The following NFIB variants were observed in gnomAD, a reference collection of about 807,000 sequenced individuals.
The protein encoded by NFIB is nuclear factor I B.
Under a neutral mutation model 61.5 loss-of-function variants are expected in NFIB, and 11 were observed. The ratio of observed to expected loss-of-function variants is 0.18; its 90% confidence interval spans 0.11 to 0.30. The LOEUF is 0.30. NFIB is among the 10% of genes least tolerant of loss of function. The pLI, the probability that NFIB is intolerant of heterozygous loss-of-function variation, is 1.00. For missense variants in NFIB, 471 were observed against 608.9 expected (o/e 0.77, Z 2.38); for synonymous variants, 260 against 216.5 (o/e 1.20, Z -1.76).
At chr9:14,361,690 A>G (rs1439414609) in intron 1 of NFIB, 1 of 152,252 alleles carries the variant, frequency 6.6e-6, no homozygotes, top group Admixed American at 6.5e-5. Context: ...GATTAGGATC[A>G]TTCAATATGA....
intron 2 of NFIB, among the ~76,000 whole-genome samples, chr9:14,231,138 ATATATATAT>A (rs2053140786): frequency 1.1e-5 from 1 of 90,142 alleles, no homozygotes; most frequent in African/African-American, 4.7e-5. Flanking sequence ...AAAAAAAAAT[ATATATATAT>A]ATATATATAT....
At chr9:14,371,048 T>C (rs1321962010) in intron 1 of NFIB, among the ~76,000 whole-genome samples, 1 of 152,162 alleles carries the variant, frequency 6.6e-6, no homozygotes, top group Non-Finnish European at 1.5e-5. Flanking sequence ...TGAGCTGAGA[T>C]TGTGCCACTG....
At position 14,150,079 on chromosome 9, in the gene NFIB, C is replaced by T. The variant is rs553329042; in HGVS notation, c.806+66G>A. 4.4e-5 allele frequency: 71 copies of T among 1,597,856 alleles called. No homozygotes were observed. The African/African-American group carries it at 9.0e-4, about 20-fold the overall frequency. On this transcript the variant is annotated intron_variant, in intron 5 of 10. Transcript: ENST00000380953. Reference sequence around the variant, plus strand: ...CTTTACCTACCTACCTATCTATCTGCCTATCATCCACCTACGAACCTATGT... The same window carrying T: ...CTTTACCTACCTACCTATCTATCTGTCTATCATCCACCTACGAACCTATGT...
chr9:14,128,007 A>C (rs1026660239), intron 6 of NFIB, among the ~76,000 whole-genome samples: 5 of 152,060 alleles, frequency 3.3e-5, no homozygotes, highest in African/African-American at 7.2e-5. Flanking sequence ...AAAAAGAAAA[A>C]AAATTTAAAC....
chr9:14,234,881 T>C (rs939572190), intron 2 of NFIB, among the ~76,000 whole-genome samples: 7 of 151,128 alleles, frequency 4.6e-5, no homozygotes, highest in African/African-American at 1.7e-4. Context: ...AGAATAACAA[T>C]AGTGAGGTGA....
chr9:14,322,295 T>C (rs1241761839), intron 1 of NFIB: 3 of 331,958 alleles, frequency 9.0e-6, no homozygotes, highest in African/African-American at 4.2e-5. Context: ...CCGTCCAGGA[T>C]GGTGTGTGTG....
chr9:14,230,610 G>A (rs1185509273), intron 2 of NFIB, among the ~76,000 whole-genome samples: 1 of 152,150 alleles, frequency 6.6e-6, no homozygotes, highest in Non-Finnish European at 1.5e-5. Flanking sequence ...AAGAGAAAAG[G>A]AAGATTAGCT....
intron 6 of NFIB, among the ~76,000 whole-genome samples, chr9:14,136,522 G>C (rs1563822552): frequency 6.6e-6 from 1 of 152,258 alleles, no homozygotes; most frequent in East Asian, 1.9e-4. Context: ...TTACAGATGA[G>C]TTTTCAGAGG....
chr9:14,335,585 C>G (rs2060877357), intron 1 of NFIB, among the ~76,000 whole-genome samples: 1 of 152,118 alleles, frequency 6.6e-6, no homozygotes, highest in Admixed American at 6.5e-5. Flanking sequence ...ACTGTGAATA[C>G]AAAGCCTTTA....
intron 1 of NFIB, among the ~76,000 whole-genome samples, chr9:14,390,583 A>C (rs2133030270): frequency 6.6e-6 from 1 of 152,378 alleles, no homozygotes; most frequent in African/African-American, 2.4e-5. Flanking sequence ...TGTCCTCCCA[A>C]AATTCATATG....
chr9:14,254,775 T>C (rs1048098359), intron 2 of NFIB, among the ~76,000 whole-genome samples: 1 of 152,130 alleles, frequency 6.6e-6, no homozygotes, highest in Admixed American at 6.6e-5. Flanking sequence ...TTCTGAAAAA[T>C]GCTTTGTAGT....
chr9:14,249,585 G>A (rs545851727), intron 2 of NFIB, among the ~76,000 whole-genome samples: 20 of 151,944 alleles, frequency 1.3e-4, no homozygotes, highest in East Asian at 3.9e-4. Context: ...CTCAGTTTAC[G>A]TCTATCATGA....
chr9:14,471,620 C>G, the NFIB span, among the ~76,000 whole-genome samples: 3 of 152,230 alleles, frequency 2.0e-5, no homozygotes, highest in Non-Finnish European at 4.4e-5. Context: ...ACCTTATCTA[C>G]ATAGTTCCCT....
At chr9:14,303,673 A>C (rs1374394817) in intron 2 of NFIB, among the ~76,000 whole-genome samples, 1 of 152,138 alleles carries the variant, frequency 6.6e-6, no homozygotes, top group Non-Finnish European at 1.5e-5. Flanking sequence ...CAACGAATCA[A>C]AGGCATTCAG....
chr9:14,305,449 GTCAA>G (rs1339054744), intron 2 of NFIB, among the ~76,000 whole-genome samples: 1 of 152,144 alleles, frequency 6.6e-6, no homozygotes, highest in Non-Finnish European at 1.5e-5. Context: ...CTAGACATCT[GTCAA>G]TCAAATAAGT....
the NFIB span, among the ~76,000 whole-genome samples, chr9:14,450,597 C>T: frequency 0.031 from 4,654 of 152,182 alleles, 118 homozygotes; most frequent in Non-Finnish European, 0.045. Context: ...AACTAAGTGC[C>T]CCTCTACACT....
At chr9:14,357,527 G>A (rs1356207151) in intron 1 of NFIB, 2 of 152,180 alleles carry the variant, frequency 1.3e-5, no homozygotes, top group African/African-American at 4.8e-5. Flanking sequence ...AGGGTTGGAG[G>A]TAGTGACCCA....
chr9:14,355,425 C>A (rs2061164377), intron 1 of NFIB, among the ~76,000 whole-genome samples: 1 of 152,138 alleles, frequency 6.6e-6, no homozygotes, highest in Non-Finnish European at 1.5e-5. Flanking sequence ...GCTGTTTAAG[C>A]CACCCAATCT....
At chr9:14,275,796 C>T (rs1413755454) in intron 2 of NFIB, among the ~76,000 whole-genome samples, 1 of 152,106 alleles carries the variant, frequency 6.6e-6, no homozygotes, top group African/African-American at 2.4e-5. Flanking sequence ...CTAAGTCCCT[C>T]CTCCCTCACT....
Sources: gnomAD v4.1 joint callset for allele counts (sites outside exome capture counted in the v4.1 genomes callset) on GRCh38, gnomAD v4.1.1 for gene constraint, MANE v1.5 for transcripts, NCBI Gene and HGNC (gene_info 2026-07-23, HGNC 2026-07-21) for gene names.